NAV3: variants seen among roughly 807,000 people sequenced by gnomAD.
NAV3 encodes the protein pore membrane and/or filament interacting like protein 1.
A neutral mutation model predicts 244.7 loss-of-function variants in NAV3; 87 were observed. The observed-to-expected ratio is 0.36, with a 90% CI of 0.30 to 0.42. The LOEUF is 0.42. NAV3 is among the 20% of genes least tolerant of loss of function. NAV3 has a pLI of 1.00. For synonymous variants in NAV3, 1,126 were observed against 1,042.2 expected, an observed-to-expected ratio of 1.08 and a Z score of -1.55; for missense variants, 2,663 against 2,893.3, an observed-to-expected ratio of 0.92 and a Z score of 1.83.
intron 1 of NAV3, among the ~76,000 whole-genome samples, chr12:77,875,813 T>G (rs1244108000): frequency 1.3e-5 from 2 of 152,078 alleles, no homozygotes; most frequent in African/African-American, 4.8e-5. Context: ...AAATATGTAA[T>G]TAATAAGTAG....
At chr12:77,874,605 G>A (rs1229744175) in intron 1 of NAV3, among the ~76,000 whole-genome samples, 1 of 150,930 alleles carries the variant, frequency 6.6e-6, no homozygotes, top group East Asian at 1.9e-4. Context: ...AATTTCTTGT[G>A]GTTAGTAAAA....
intron 22 of NAV3, among the ~76,000 whole-genome samples, chr12:78,155,219 T>C (rs1957255964): frequency 6.6e-6 from 1 of 152,064 alleles, no homozygotes; most frequent in Admixed American, 6.6e-5. Flanking sequence ...TTCCCCACCA[T>C]GTGCCCACGT....
At chr12:78,127,708 A>G (rs1288592510) in intron 17 of NAV3, among the ~76,000 whole-genome samples, 4 of 152,206 alleles carry the variant, frequency 2.6e-5, no homozygotes, top group Non-Finnish European at 2.9e-5. Flanking sequence ...CAAAGAAAAC[A>G]TATTTTCATC....
chr12:77,960,900 CAT>C (rs1213912648), intron 3 of NAV3, among the ~76,000 whole-genome samples: 1 of 145,846 alleles, frequency 6.9e-6, no homozygotes, highest in Non-Finnish European at 1.5e-5. Context: ...ATGAACATAT[CAT>C]ATATTCAATA....
intron 1 of NAV3, among the ~76,000 whole-genome samples, chr12:77,920,117 G>A (rs963280567): frequency 2.0e-5 from 3 of 151,970 alleles, no homozygotes; most frequent in African/African-American, 7.2e-5. Flanking sequence ...ACTCTTTACT[G>A]TGTGACATTT....
intron 5 of NAV3, among the ~76,000 whole-genome samples, chr12:77,982,604 A>G (rs1183392746): frequency 1.3e-5 from 2 of 152,186 alleles, no homozygotes; most frequent in Non-Finnish European, 2.9e-5. Context: ...CTGGGTATCT[A>G]TTGCTGCTTT....
chr12:77,614,074 CTT>C (rs71440485), intron 2 of NAV3, among the ~76,000 whole-genome samples: 4,013 of 95,478 alleles, frequency 0.042, 119 homozygotes, highest in East Asian at 0.084. Flanking sequence ...TTCTTTCTCT[CTT>C]TTTTTTTTTT....
chr12:78,009,400 G>T (rs78169471), intron 8 of NAV3, among the ~76,000 whole-genome samples: 2,085 of 124,098 alleles, frequency 0.017, 29 homozygotes, highest in Middle Eastern at 0.036. Flanking sequence ...GCAGTGAGCT[G>T]AGATCGTGCA....
Position 77,966,249 on chromosome 12 carries a change from C to A in NAV3, c.435C>A (p.Cys145Ter). 3 of 1,613,524 alleles carry A rather than the reference C, an allele frequency of 1.9e-6. No homozygotes were observed. The highest frequency in any genetic ancestry group is 2.5e-6 in the Non-Finnish European group (3 of 1,179,778). ...TGCAGATTGAAAATGTTGATGTCTGCCTTAGTTTTCTAGCAGCCAGAGGGG... is the reference window on the plus strand; with the variant it reads ...TGCAGATTGAAAATGTTGATGTCTGACTTAGTTTTCTAGCAGCCAGAGGGG... ...QSQMIENVDV[C>*]LSFLAARGVN... Residue 145 changes from cysteine (C) to a stop codon, truncating the protein, a stop_gained, in exon 4 of 40, where the codon TGC becomes TGA. Transcript: ENST00000397909. LOFTEE classifies it high-confidence loss of function.
chr12:77,796,142 TA>T (rs1871397962), intron 2 of NAV3, among the ~76,000 whole-genome samples: 1 of 152,036 alleles, frequency 6.6e-6, no homozygotes, highest in Non-Finnish European at 1.5e-5. Context: ...GCAAAGTAAA[TA>T]AAAAACCTTC....
intron 2 of NAV3, among the ~76,000 whole-genome samples, chr12:77,799,182 T>C (rs1241350853): frequency 6.6e-6 from 1 of 152,198 alleles, no homozygotes; most frequent in Non-Finnish European, 1.5e-5. Flanking sequence ...TGATTTTCTA[T>C]TGGCCAAAGC....
At chr12:78,001,755 A>G (rs1477126520) in intron 7 of NAV3, among the ~76,000 whole-genome samples, 1 of 152,242 alleles carries the variant, frequency 6.6e-6, no homozygotes, top group Non-Finnish European at 1.5e-5. Context: ...TGAAATAGAA[A>G]CGTTACAATG....
intron 2 of NAV3, among the ~76,000 whole-genome samples, chr12:77,739,355 T>A (rs1321232111): frequency 6.6e-6 from 1 of 152,228 alleles, no homozygotes; most frequent in Admixed American, 6.5e-5. Context: ...ATAAAGGCAT[T>A]ATACATTTCT....
At chr12:77,746,074 A>T (rs1042833659) in intron 2 of NAV3, among the ~76,000 whole-genome samples, 5 of 151,930 alleles carry the variant, frequency 3.3e-5, no homozygotes, top group Non-Finnish European at 7.4e-5. Context: ...CAAGCTGATA[A>T]TAATAACTGT....
chr12:77,663,696 T>C (rs748498307), intron 2 of NAV3, among the ~76,000 whole-genome samples: 1 of 152,136 alleles, frequency 6.6e-6, no homozygotes, highest in African/African-American at 2.4e-5. Context: ...TAATTTTGTA[T>C]TTTTAGTAGA....
At chr12:78,157,771 G>T (rs1957365578) in intron 22 of NAV3, among the ~76,000 whole-genome samples, 1 of 151,650 alleles carries the variant, frequency 6.6e-6, no homozygotes, top group Admixed American at 6.6e-5. Flanking sequence ...TATGTGGAGA[G>T]TGGGTGTGTT....
At chr12:77,746,572 C>T (rs550695294) in intron 2 of NAV3, among the ~76,000 whole-genome samples, 13 of 152,142 alleles carry the variant, frequency 8.5e-5, no homozygotes, top group Non-Finnish European at 1.5e-4. Flanking sequence ...AATAAATAAT[C>T]TTTGTCTTCT....
intron 2 of NAV3, among the ~76,000 whole-genome samples, chr12:77,729,001 T>C (rs1877007152): frequency 6.6e-6 from 1 of 152,070 alleles, no homozygotes; most frequent in South Asian, 2.1e-4. Flanking sequence ...TATATTTTTC[T>C]ATTTCTTCTG....
intron 1 of NAV3, among the ~76,000 whole-genome samples, chr12:77,843,369 G>A (rs1876032967): frequency 6.6e-6 from 1 of 151,760 alleles, no homozygotes; most frequent in Admixed American, 6.6e-5. Context: ...GTGGACCCCA[G>A]GTAACTTTCC....
Sources: gnomAD v4.1 joint callset for allele counts (sites outside exome capture counted in the v4.1 genomes callset) on GRCh38, gnomAD v4.1.1 for gene constraint, MANE v1.5 for transcripts, NCBI Gene and HGNC (gene_info 2026-07-23, HGNC 2026-07-21) for gene names.